The following MYCBPAP variants were observed in gnomAD, a reference collection of about 807,000 sequenced individuals.
The protein encoded by MYCBPAP is MYCBP-associated protein.
Under a neutral mutation model 106.1 loss-of-function variants are expected in MYCBPAP, and 60 were observed. The observed-to-expected ratio is 0.57, with a 90% CI of 0.46 to 0.70. The LOEUF is 0.70. Among genes scored for constraint, MYCBPAP ranks in the 30% least tolerant of loss-of-function variants. The probability of loss-of-function intolerance (pLI) is 0.00; values close to 1 mark genes in which losing one functional copy is unlikely to be tolerated. For missense variants in MYCBPAP, 1,064 were observed against 1,169.3 expected (o/e 0.91, Z 1.31); for synonymous variants, 407 against 440.6 (o/e 0.92, Z 0.95).
chr17:50,507,790 T>C (rs1228329786), upstream of MYCBPAP, among the ~76,000 whole-genome samples: 4 of 152,194 alleles, frequency 2.6e-5, no homozygotes, highest in Non-Finnish European at 5.9e-5. Context: ...GGGCAGGGCC[T>C]GAGGCAGCTC....
chr17:50,513,218 CAAAAAAAAA>C (rs1190873215), intron 1 of MYCBPAP, among the ~76,000 whole-genome samples: 1 of 62,710 alleles, frequency 1.6e-5, no homozygotes, highest in African/African-American at 6.1e-5. Context: ...AACTCCATCT[CAAAAAAAAA>C]AAAAAAAAAA....
chr17:50,529,100 A>T lies in MYCBPAP; in HGVS notation c.2636A>T (p.Glu879Val), dbSNP rs2034553789. ...KSASQDRFSLEDPTPDIILSS... is the reference protein window; with the variant it reads ...KSASQDRFSLVDPTPDIILSS... ...GCAAGTCAGGACAGGTTTTCTTTGG[A>T]AGACCCTACCCCTGACATCATCCTC... Residue 879 changes from glutamate to valine, a missense_variant, in exon 18 of 19, where the codon GAA becomes GTA. Transcript: ENST00000323776. The T allele has an allele frequency of 6.2e-7, 1 of 1,614,022 alleles. No homozygotes were observed.
chr17:50,530,211 A>G (rs1460008427), intron 18 of MYCBPAP: 2 of 439,300 alleles, frequency 4.6e-6, no homozygotes, highest in Admixed American at 2.6e-5. Context: ...ATCAACTTGC[A>G]GACCAGGTGC....
chr17:50,511,496 A>C (rs1214613585), intron 1 of MYCBPAP, among the ~76,000 whole-genome samples: 1 of 152,168 alleles, frequency 6.6e-6, no homozygotes, highest in Non-Finnish European at 1.5e-5. Flanking sequence ...AAAACGAATA[A>C]TACTTAGATA....
In MYCBPAP at chr17:50,522,985, G is replaced by T. The variant is rs2034331194; in HGVS notation, c.1304G>T (p.Gly435Val). The change falls in exon 11 of 19, where the codon GGC becomes GTC. Residue 435 changes from glycine to valine, a missense_variant. By Grantham distance (109) the Gly-to-Val change is moderately radical. Coordinates refer to ENST00000323776, the MANE Select transcript of MYCBPAP (RefSeq NM_032133.6). ...CACTTGACCTTTGAAACCCTAGAAG[G>T]CGAGAAAACCTCCTCAGAACTGACT... ...AAHLTFETLE[G>V]EKTSSELTVV... 8 of 1,613,864 alleles carry T rather than the reference G, an allele frequency of 5.0e-6. No individual in the cohort carries two copies. The highest frequency in any genetic ancestry group is 5.9e-6 in the Non-Finnish European group (7 of 1,179,868).
chr17:50,508,355 C>A (rs1165944985), upstream of MYCBPAP: 5 of 506,106 alleles, frequency 9.9e-6, no homozygotes, highest in African/African-American at 1.0e-4. Context: ...GGGGTCCTCG[C>A]CCGGGTCCCC....
chr17:50,528,904 G>A, intron 17 of MYCBPAP, 64 bp downstream of exon 17: 8 of 1,601,694 alleles, frequency 5.0e-6, no homozygotes, highest in Non-Finnish European at 6.8e-6. Context: ...CTGCGGAGGT[G>A]GGGGCTGTGG....
chr17:50,516,481 A>C (rs1676071623), intron 1 of MYCBPAP, 89 bp from the exon 2 acceptor site: 2 of 1,426,048 alleles, frequency 1.4e-6, no homozygotes, highest in East Asian at 5.1e-5. Flanking sequence ...GGAGTCTAGT[A>C]TATATTTTTA....
chr17:50,509,035 A>T (rs552074455), intron 1 of MYCBPAP: 2 of 702,960 alleles, frequency 2.8e-6, no homozygotes, highest in African/African-American at 3.5e-5. Context: ...CTCTAACCAC[A>T]TCTTAGGGTG....
chr17:50,507,964 C>G (rs1248513656), upstream of MYCBPAP, among the ~76,000 whole-genome samples: 1 of 152,184 alleles, frequency 6.6e-6, no homozygotes. Flanking sequence ...TGAGAATGCC[C>G]CAAGTCAGGG....
At chr17:50,521,582 A>T in intron 9 of MYCBPAP, 151 bp downstream of exon 9, 2 of 635,608 alleles carry the variant, frequency 3.1e-6, no homozygotes, top group Non-Finnish European at 5.5e-6. Flanking sequence ...CCATTCCAGC[A>T]CCTGTGCTGG....
intron 18 of MYCBPAP, 161 bp downstream of exon 18, chr17:50,529,349 G>A (rs536067782): frequency 1.5e-4 from 98 of 659,646 alleles, no homozygotes; most frequent in Non-Finnish European, 2.1e-4. Context: ...TAAGGAATGC[G>A]CCTAGCATGT....
At chr17:50,521,895 G>A in intron 9 of MYCBPAP, 78 bp from the exon 10 acceptor site, 1 of 1,358,974 alleles carries the variant, frequency 7.4e-7, no homozygotes, top group Non-Finnish European at 1.0e-6. Flanking sequence ...TAGGCTTCCT[G>A]GTGACCGTTT....
intron 1 of MYCBPAP, among the ~76,000 whole-genome samples, chr17:50,512,221 T>C (rs1400459048): frequency 1.3e-5 from 2 of 151,888 alleles, no homozygotes; most frequent in African/African-American, 4.8e-5. Context: ...GCCTGGCTAA[T>C]ATTTTTGTAT....
upstream of MYCBPAP, among the ~76,000 whole-genome samples, chr17:50,507,895 G>A (rs1338879382): frequency 1.3e-5 from 2 of 152,126 alleles, no homozygotes; most frequent in African/African-American, 4.8e-5. Flanking sequence ...AGGGGAAGGC[G>A]AAAAAAGCGG....
intron 11 of MYCBPAP, 49 bp downstream of exon 11, chr17:50,523,177 T>C (rs775420825): frequency 6.3e-7 from 1 of 1,581,064 alleles, no homozygotes; most frequent in African/African-American, 1.3e-5. Flanking sequence ...TGGGGCTGGT[T>C]TTGTCCTCCG....
At chr17:50,509,406 G>A (rs556096512) in intron 1 of MYCBPAP, 17 of 442,710 alleles carry the variant, frequency 3.8e-5, no homozygotes, top group African/African-American at 3.3e-4. Context: ...TTGCACCTGG[G>A]AGAGCCACAG....
In MYCBPAP at chr17:50,526,170, T is replaced by C; in HGVS notation, c.2072T>C (p.Val691Ala). 6.2e-7 allele frequency: 1 copy of C among 1,613,500 alleles called. No homozygotes were observed. The highest frequency in any genetic ancestry group is 1.7e-5 in the Admixed American group (1 of 60,000). The change falls in exon 14 of 19, where the codon GTG becomes GCG. Residue 691 changes from valine (V) to alanine (A), a missense_variant. By Grantham distance (64) the Val-to-Ala change is moderately conservative. Coordinates refer to ENST00000323776, the MANE Select transcript of MYCBPAP (RefSeq NM_032133.6). ...AAGAGCATCATGGAGGAGATCCTGG[T>C]GGAGGAAAGCCCAGATGTGGACAGC... ...QRKSIMEEIL[V>A]EESPDVDSTK... is the part of the protein sequence containing the mutation.
At chr17:50,522,234 G>A in intron 10 of MYCBPAP, 153 bp downstream of exon 10, 1 of 567,286 alleles carries the variant, frequency 1.8e-6, no homozygotes. Context: ...CAGCAACACT[G>A]ACTTGAGCAA....
Sources: allele counts gnomAD v4.1 joint callset (sites outside exome capture counted in the v4.1 genomes callset), GRCh38; gene constraint gnomAD v4.1.1; transcripts MANE v1.5; gene names NCBI Gene and HGNC (gene_info 2026-07-23, HGNC 2026-07-21).